Variants in INTS9 observed in about 807,000 individuals in gnomAD.
INTS9 encodes protein related to CPSF subunits of 74 kDa.
In INTS9, 55 loss-of-function variants were observed where a neutral mutation model predicts 79.7. The ratio of observed to expected loss-of-function variants is 0.69; its 90% confidence interval spans 0.56 to 0.86. The LOEUF (loss-of-function observed/expected upper bound fraction) is 0.86. Ranked by LOEUF, INTS9 falls within the 40% of genes least tolerant of loss-of-function variation. INTS9 has a pLI of 0.00. For missense variants in INTS9, 721 were observed against 831.5 expected, an observed-to-expected ratio of 0.87 and a Z score of 1.64; for synonymous variants, 319 against 325.2, an observed-to-expected ratio of 0.98 and a Z score of 0.20.
rs1254673596 is a variant in INTS9, at chr8:28,777,956, A to G, written c.1271-3T>C. ...TTCCAGGTAGGAGAAGTCTGGTTCT[A>G]GGGAAAGTACAAGAAAGAAATCTTA... On this transcript the variant is annotated splice_polypyrimidine_tract_variant and splice_region_variant and intron_variant, in intron 12 of 16. Coordinates refer to ENST00000521022, the MANE Select transcript of INTS9 (RefSeq NM_018250.4). 4 of 1,605,058 alleles carry G rather than the reference A, an allele frequency of 2.5e-6. No individual in the cohort carries two copies. The East Asian group carries it at 9.0e-5, about 36-fold the overall frequency.
chr8:28,884,357 GT>G (rs200863066), intron 1 of INTS9, among the ~76,000 whole-genome samples: 1 of 150,776 alleles, frequency 6.6e-6, no homozygotes, highest in Non-Finnish European at 1.5e-5. Flanking sequence ...CTAATTTTTA[GT>G]TTTTTTTGTA....
intron 14 of INTS9, 25 bp downstream of exon 14, chr8:28,775,734 A>C (rs1179124744): frequency 1.9e-6 from 3 of 1,612,656 alleles, no homozygotes; most frequent in East Asian, 4.5e-5. Flanking sequence ...GCTCTAGTTT[A>C]ACCCTAGGAA....
chr8:28,881,458 C>A (rs1585534508), intron 1 of INTS9, among the ~76,000 whole-genome samples: 1 of 141,330 alleles, frequency 7.1e-6, no homozygotes, highest in East Asian at 2.4e-4. Context: ...CGGCCAGCCG[C>A]CCCGTCCGGG....
At chr8:28,837,963 G>C (rs1481641298) in intron 4 of INTS9, among the ~76,000 whole-genome samples, 187 bp from the exon 5 acceptor site, 1 of 152,094 alleles carries the variant, frequency 6.6e-6, no homozygotes, top group Non-Finnish European at 1.5e-5. Flanking sequence ...TAGCAGGACA[G>C]GACGGCCAGC....
rs1028421945 is a variant in INTS9 at position 28,813,777 on chromosome 8, T to G, written c.489-165A>C. ...TTTCTCTGTTTTTATTTTTACTTTTTTTGAGACAGAGTCTCACTGTGTCAC... is the reference window on the plus strand; with the variant it reads ...TTTCTCTGTTTTTATTTTTACTTTTGTTGAGACAGAGTCTCACTGTGTCAC... On this transcript the variant is annotated intron_variant, in intron 6 of 16. Transcript: ENST00000521022. 8.0e-6 allele frequency: 6 copies of G among 747,746 alleles called. No individual in the cohort carries two copies. The African/African-American group carries it at 9.1e-5, about 11-fold the overall frequency. The allele number at this position is 747,746 out of a possible 1,614,324, so 46.3% of individuals were successfully genotyped here. A position where few individuals can be genotyped will look rare whatever the true frequency, so the allele number is the denominator to read the frequency against.
At position 28,812,431 on chromosome 8, in the gene INTS9, G is replaced by C. The variant is rs1187606270; in HGVS notation, c.640C>G (p.Leu214Val). The C allele has an allele frequency of 6.2e-7, 1 of 1,614,154 alleles. No homozygotes were observed. Among genetic ancestry groups the C allele is most frequent in the Non-Finnish European group, 8.5e-7 (1 of 1,179,982 alleles). ...CTCCCAAGGGCATAGCCAGAGCTCA[G>C]AGGAGTCACCTGGACCGCACCAAAA... is the stretch of plus-strand genomic sequence containing the variant. ...ELFGAVQVTP[L>V]SSGYALGSSN... Residue 214 changes from leucine (L) to valine (V), a missense_variant, in exon 8 of 17, where the codon CTG (leucine) becomes GTG (valine). This residue lies in a region of INTS9 where 291 missense variants were observed against 307.0 expected (regional missense o/e 0.95). Transcript: ENST00000521022.
In INTS9 at chr8:28,769,956, C is replaced by T; in HGVS notation, c.1733G>A (p.Cys578Tyr). Residue 578 changes from cysteine (C) to tyrosine (Y), a missense_variant, in exon 16 of 17, where the codon TGC (cysteine) becomes TAC (tyrosine). Physicochemically the swap from Cys to Tyr is radical, Grantham distance 194. Around this residue, in one of 3 missense-constraint regions of INTS9, gnomAD observed 281 missense variants for 300.8 expected, o/e 0.93. Transcript: ENST00000521022. ...RKRVSDDVPD[C>Y]KVLKPLLSGS... is the part of the protein sequence containing the mutation. ...GCTCAACAAAGGCTTCAGGACTTTG[C>T]AGTCTGGTACGTCATCGCTCACCCG... is the stretch of plus-strand genomic sequence containing the variant. 1 of 1,614,234 alleles carries T rather than the reference C, an allele frequency of 6.2e-7. No homozygotes were observed.
intron 16 of INTS9, chr8:28,769,677 G>A: frequency 3.4e-6 from 2 of 583,716 alleles, no homozygotes; most frequent in Non-Finnish European, 2.9e-6. Flanking sequence ...GCCTTCTGGT[G>A]ACCTCGTGCT....
chr8:28,881,116 G>C (rs1485882726), intron 1 of INTS9, among the ~76,000 whole-genome samples: 2 of 150,124 alleles, frequency 1.3e-5, no homozygotes, highest in Non-Finnish European at 1.5e-5. Flanking sequence ...CCCCGTCCGG[G>C]AGGGAGGTGG....
chr8:28,816,814 T>C (rs1322143240), intron 6 of INTS9, among the ~76,000 whole-genome samples: 197 of 150,844 alleles, frequency 1.3e-3, no homozygotes, highest in African/African-American at 4.4e-3. Context: ...CTCCAGCACC[T>C]GTTGTTTCCT....
intron 11 of INTS9, among the ~76,000 whole-genome samples, chr8:28,785,175 A>C (rs1278347275): frequency 1.3e-5 from 2 of 152,222 alleles, no homozygotes; most frequent in African/African-American, 4.8e-5. Context: ...ATTACTGGTG[A>C]TGTTAACGTT....
intron 15 of INTS9, 117 bp downstream of exon 15, chr8:28,770,864 AG>A: frequency 3.9e-6 from 3 of 771,604 alleles, no homozygotes; most frequent in Non-Finnish European, 6.4e-6. Context: ...GCACATGGCC[AG>A]GGAAATAATT....
At chr8:28,800,559 T>G (rs241165) in intron 8 of INTS9, among the ~76,000 whole-genome samples, 119,765 of 152,084 alleles carry the variant, frequency 0.79, 47,334 homozygotes, top group Non-Finnish European at 0.81. Flanking sequence ...GTGGGTGAGA[T>G]CAAACAGACA....
chr8:28,770,056 G>A lies in INTS9; in HGVS notation c.1663-30C>T, dbSNP rs764348805. ...AGCAGAAGGAAAGAGTGGCTTTCAT[G>A]AGCTTCCTCTGAGCAGCAGGGGCCA... On this transcript the variant is annotated intron_variant, in intron 15 of 16. Coordinates refer to ENST00000521022, the MANE Select transcript of INTS9 (RefSeq NM_018250.4). 4.3e-6 allele frequency: 7 copies of A among 1,609,408 alleles called. No individual in the cohort carries two copies. The Admixed American group carries it at 1.2e-4, about 27-fold the overall frequency.
At chr8:28,770,125 GCCA>G (rs1802445861) in intron 15 of INTS9, 99 bp from the exon 16 acceptor site, 1 of 1,434,800 alleles carries the variant, frequency 7.0e-7, no homozygotes, top group Admixed American at 2.3e-5. Context: ...GTCCTCACAG[GCCA>G]CAGAGCCCCG....
chr8:28,790,205 T>A (rs534745398), intron 10 of INTS9, among the ~76,000 whole-genome samples: 7 of 152,264 alleles, frequency 4.6e-5, no homozygotes, highest in Admixed American at 1.3e-4. Context: ...GAAGCACCCG[T>A]TCAGAACACC....
chr8:28,884,572 C>T (rs1760041233), intron 1 of INTS9, among the ~76,000 whole-genome samples: 1 of 151,964 alleles, frequency 6.6e-6, no homozygotes, highest in Admixed American at 6.6e-5. Flanking sequence ...GTAAAATATC[C>T]ATCTTTATCA....
intron 6 of INTS9, among the ~76,000 whole-genome samples, chr8:28,819,987 T>C (rs926956161): frequency 6.6e-6 from 1 of 152,216 alleles, no homozygotes; most frequent in African/African-American, 2.4e-5. Flanking sequence ...CTGCCTTTTT[T>C]TGTTTTCCAT....
chr8:28,775,674 A>C, intron 14 of INTS9, 85 bp downstream of exon 14: 1 of 1,400,192 alleles, frequency 7.1e-7, no homozygotes, highest in South Asian at 1.3e-5. Context: ...ACTTGACATA[A>C]ATCCAAAAGA....
Sources: gnomAD v4.1 joint callset for allele counts (sites outside exome capture counted in the v4.1 genomes callset) on GRCh38, gnomAD v4.1.1 for gene constraint, gnomAD v4.1.1 regional missense constraint, MANE v1.5 for transcripts, NCBI Gene and HGNC (gene_info 2026-07-23, HGNC 2026-07-21) for gene names.